PDZD2: variants seen among roughly 807,000 people sequenced by gnomAD.
The protein encoded by PDZD2 is PDZ domain containing 2.
PDZD2 carries 90 observed loss-of-function variants against 220.7 expected under a neutral mutation model. The observed-to-expected ratio is 0.41, with a 90% CI of 0.34 to 0.49. The LOEUF is 0.49. Ranked by LOEUF, PDZD2 falls within the 20% of genes least tolerant of loss-of-function variation. The pLI is 0.28. For missense variants in PDZD2, 3,174 were observed against 3,608.5 expected (o/e 0.88, Z 3.08); for synonymous variants, 1,375 against 1,450.5 (o/e 0.95, Z 1.18).
chr5:31,968,649 C>G (rs184333018), intron 2 of PDZD2, among the ~76,000 whole-genome samples: 1 of 151,716 alleles, frequency 6.6e-6, no homozygotes, highest in Admixed American at 6.6e-5. Flanking sequence ...GAGCGAAATT[C>G]TGTCTCAAAA....
At chr5:31,671,919 G>A (rs1489925710) in intron 1 of PDZD2, among the ~76,000 whole-genome samples, 1 of 152,138 alleles carries the variant, frequency 6.6e-6, no homozygotes, top group Non-Finnish European at 1.5e-5. Context: ...GGAGCTCTAG[G>A]ACCTCTCCTC....
chr5:31,766,488 T>C (rs1370504727), intron 1 of PDZD2, among the ~76,000 whole-genome samples: 1 of 151,964 alleles, frequency 6.6e-6, no homozygotes, highest in Non-Finnish European at 1.5e-5. Context: ...CCTCAGATGA[T>C]CCTCCCACCT....
intron 2 of PDZD2, among the ~76,000 whole-genome samples, chr5:31,842,287 T>C (rs923761665): frequency 2.6e-5 from 4 of 152,260 alleles, no homozygotes; most frequent in African/African-American, 9.6e-5. Flanking sequence ...CTTACAGTTA[T>C]GTGCCAGTTC....
chr5:31,951,294 C>G (rs907675569), intron 2 of PDZD2, among the ~76,000 whole-genome samples: 1 of 152,150 alleles, frequency 6.6e-6, no homozygotes. Context: ...ACTCAAACTC[C>G]TGGGTTCCAG....
At position 31,847,910 on chromosome 5, in the gene PDZD2, GA is replaced by G; in HGVS notation, c.476+48188del. On this transcript the variant is annotated intron_variant, in intron 2 of 24. Transcript: ENST00000438447. ...TTACATGCGTTACCTAATGGAAGAT[GA>G]AGATGCTTACCAGAAACCATTCTCT... 3 of 469,918 alleles carry G rather than the reference GA, an allele frequency of 6.4e-6. No individual in the cohort carries two copies. In the Admixed American group the frequency reaches 7.1e-5, roughly 11 times the overall value. 29.1% of individuals were successfully genotyped at this position (469,918 alleles called of 1,614,324 possible).
chr5:31,714,471 T>C (rs148320359), intron 1 of PDZD2, among the ~76,000 whole-genome samples: 2 of 151,952 alleles, frequency 1.3e-5, no homozygotes, highest in African/African-American at 4.8e-5. Context: ...ATTGAGGAGG[T>C]AGGAGAAACT....
At chr5:31,892,161 C>T (rs888960750) in intron 2 of PDZD2, among the ~76,000 whole-genome samples, 2 of 152,058 alleles carry the variant, frequency 1.3e-5, no homozygotes, top group African/African-American at 4.8e-5. Context: ...TCTCCTGCCT[C>T]AGCCTCCCAA....
chr5:31,729,011 G>A (rs970635189), intron 1 of PDZD2, among the ~76,000 whole-genome samples: 1 of 151,106 alleles, frequency 6.6e-6, no homozygotes, highest in Non-Finnish European at 1.5e-5. Context: ...GAGCCACCGC[G>A]CCCGGCCGCA....
At chr5:31,985,482 G>A (rs1321051571) in intron 3 of PDZD2, among the ~76,000 whole-genome samples, 8 of 152,058 alleles carry the variant, frequency 5.3e-5, no homozygotes, top group Admixed American at 2.6e-4. Flanking sequence ...ATAACTTAAT[G>A]CCAGGAGTTC....
At chr5:32,046,538 C>T (rs1737991288) in intron 7 of PDZD2, among the ~76,000 whole-genome samples, 1 of 152,122 alleles carries the variant, frequency 6.6e-6, no homozygotes, top group South Asian at 2.1e-4. Flanking sequence ...CCACCGCACC[C>T]AGCCTAAATT....
At chr5:32,013,425 A>T (rs1753487323) in intron 6 of PDZD2, among the ~76,000 whole-genome samples, 1 of 150,946 alleles carries the variant, frequency 6.6e-6, no homozygotes, top group African/African-American at 2.4e-5. Context: ...CACTTGTAGG[A>T]TAGGCCAGTT....
At position 32,073,888 on chromosome 5, in the gene PDZD2, C is replaced by T. The variant is rs758760825; in HGVS notation, c.2782C>T (p.Arg928Trp). The T allele has an allele frequency of 3.0e-5, 48 of 1,613,948 alleles. 1 individual carries two copies. The highest frequency in any genetic ancestry group is 1.5e-4 in the South Asian group (14 of 91,072). ...CAGCCTCGTGACTCTTGGGAGCCAT[C>T]GGGCTTCTGGGCTCTTCCACAAGCA... ...ANSLVTLGSH[R>W]ASGLFHKQVT... Residue 928 changes from arginine to tryptophan, a missense_variant, in exon 18 of 25, where the codon CGG becomes TGG. Coordinates refer to ENST00000438447, the MANE Select transcript of PDZD2 (RefSeq NM_178140.4).
intron 2 of PDZD2, among the ~76,000 whole-genome samples, chr5:31,850,243 T>TATATATATATATACAC (rs577432352): frequency 1.6e-5 from 2 of 122,232 alleles, no homozygotes; most frequent in African/African-American, 3.0e-5. Flanking sequence ...TATATATATA[T>TATATATATATATACAC]ACACACACAC....
At chr5:31,731,811 C>T (rs990021799) in intron 1 of PDZD2, among the ~76,000 whole-genome samples, 3 of 152,184 alleles carry the variant, frequency 2.0e-5, no homozygotes, top group Non-Finnish European at 4.4e-5. Flanking sequence ...TTACTATGAA[C>T]ATCCATGCTG....
At chr5:32,084,375 G>A (rs1029281487) in intron 19 of PDZD2, among the ~76,000 whole-genome samples, 25 of 152,226 alleles carry the variant, frequency 1.6e-4, no homozygotes, top group East Asian at 3.8e-4. Flanking sequence ...GCTTAACCAC[G>A]CTGTTTCTCC....
At chr5:31,982,333 G>A (rs1750363000) in intron 2 of PDZD2, among the ~76,000 whole-genome samples, 1 of 152,092 alleles carries the variant, frequency 6.6e-6, no homozygotes, top group Non-Finnish European at 1.5e-5. Flanking sequence ...TTGGAGACAG[G>A]GTCTCACTCT....
rs374092030 is a variant in PDZD2 at position 31,807,481 on chromosome 5, AC to A, written c.476+7760del. Among the ~76,000 whole-genome samples the A allele has an allele frequency of 1.7e-4, 26 of 152,296 alleles. 2 individuals carry two copies. In the East Asian group the frequency reaches 2.7e-3, roughly 16 times the overall value. ...AGCCAGAGGTAACTTGTAACACCCC[AC>A]CCAGTCAGCCTCAGGCAACGTGGAC... is the stretch of plus-strand genomic sequence containing the variant. On this transcript the variant is annotated intron_variant, in intron 2 of 24. Coordinates refer to ENST00000438447, the MANE Select transcript of PDZD2 (RefSeq NM_178140.4).
chr5:32,037,886 GGCTAAAGT>G (rs1755681483), intron 7 of PDZD2, among the ~76,000 whole-genome samples: 1 of 151,084 alleles, frequency 6.6e-6, no homozygotes, highest in African/African-American at 2.4e-5. Context: ...CTGTCACCCA[GGCTAAAGT>G]GCAGTGGCAT....
At chr5:32,024,744 G>T (rs901211869) in intron 6 of PDZD2, among the ~76,000 whole-genome samples, 1 of 151,794 alleles carries the variant, frequency 6.6e-6, no homozygotes, top group African/African-American at 2.4e-5. Context: ...TGGCACATAT[G>T]CCCCATGGAT....
Sources: gnomAD v4.1 joint callset for allele counts (sites outside exome capture counted in the v4.1 genomes callset) on GRCh38, gnomAD v4.1.1 for gene constraint, MANE v1.5 for transcripts, NCBI Gene and HGNC (gene_info 2026-07-23, HGNC 2026-07-21) for gene names.